The following DDX31 variants were observed in gnomAD, a reference collection of about 807,000 sequenced individuals.
DDX31 encodes the protein ATP-dependent DNA helicase DDX31.
A neutral mutation model predicts 91.3 loss-of-function variants in DDX31; 70 were observed. That is an observed-to-expected ratio of 0.77 (90% CI 0.63 to 0.94). DDX31 has a LOEUF of 0.94. Among genes scored for constraint, DDX31 ranks in the 40% least tolerant of loss-of-function variants. DDX31 has a pLI of 0.00. For missense variants in DDX31, 902 were observed against 925.0 expected, an observed-to-expected ratio of 0.98 and a Z score of 0.32; for synonymous variants, 362 against 350.6, an observed-to-expected ratio of 1.03 and a Z score of -0.36.
chr9:132,625,590 C>A, intron 17 of DDX31, 74 bp downstream of exon 17: 2 of 1,141,170 alleles, frequency 1.8e-6, no homozygotes. Context: ...GTAACCCATA[C>A]ACAAAGTCTC....
intron 19 of DDX31, among the ~76,000 whole-genome samples, chr9:132,605,618 ATGCAAAGC>A (rs1830969391): frequency 1.3e-5 from 2 of 152,202 alleles, no homozygotes; most frequent in Admixed American, 1.3e-4. Context: ...CCACAAGCAG[ATGCAAAGC>A]TGCCACCACA....
intron 6 of DDX31, among the ~76,000 whole-genome samples, chr9:132,656,945 G>T (rs1834608282): frequency 6.6e-6 from 1 of 152,066 alleles, no homozygotes; most frequent in African/African-American, 2.4e-5. Flanking sequence ...CACTTAATAG[G>T]GGGAAAAAAA....
chr9:132,607,545 C>A (rs1430471748), intron 19 of DDX31, among the ~76,000 whole-genome samples: 1 of 152,186 alleles, frequency 6.6e-6, no homozygotes, highest in East Asian at 1.9e-4. Flanking sequence ...GTCTTAGGTA[C>A]TATAAACTGA....
chr9:132,648,454 A>G lies in DDX31; in HGVS notation c.838T>C (p.Leu280=), dbSNP rs756574336. 9.9e-6 allele frequency: 16 copies of G among 1,613,756 alleles called. No individual in the cohort carries two copies. Among genetic ancestry groups the G allele is most frequent in the Non-Finnish European group, 1.3e-5 (15 of 1,179,944 alleles). Residue 280 remains leucine (L), a synonymous_variant, in exon 10 of 20, where the codon TTG becomes CTG. Coordinates refer to ENST00000372159, the MANE Select transcript of DDX31 (RefSeq NM_022779.9). ...CACCTGTCTGCTTCATCAAACACCAACCACCGCAGCCGACTAAAATGAATG... is the reference window on the plus strand; with the variant it reads ...CACCTGTCTGCTTCATCAAACACCAGCCACCGCAGCCGACTAAAATGAATG... ...KNIHFSRLRW[L]VFDEADRILD... is the part of the protein sequence containing the mutation.
chr9:132,625,851 G>C (rs1832361456), intron 16 of DDX31, 106 bp from the exon 17 acceptor site: 1 of 736,136 alleles, frequency 1.4e-6, no homozygotes, highest in Admixed American at 2.8e-5. Flanking sequence ...ACATGAAGTA[G>C]AAGTGACACC....
At chr9:132,634,369 C>A (rs553232328) in intron 14 of DDX31, among the ~76,000 whole-genome samples, 1 of 152,206 alleles carries the variant, frequency 6.6e-6, no homozygotes, top group Admixed American at 6.5e-5. Flanking sequence ...TGCCCACGCA[C>A]ACACACACAT....
chr9:132,646,704 C>T (rs962644893), intron 12 of DDX31, 119 bp downstream of exon 12: 1 of 906,948 alleles, frequency 1.1e-6, no homozygotes, highest in Non-Finnish European at 1.7e-6. Flanking sequence ...ATCCGGAATG[C>T]AGACATAAGT....
intron 19 of DDX31, among the ~76,000 whole-genome samples, chr9:132,604,539 A>G (rs556610615): frequency 6.6e-6 from 1 of 152,326 alleles, no homozygotes; most frequent in Admixed American, 6.5e-5. Context: ...CATGTGAAGA[A>G]GAGCATCTCA....
intron 13 of DDX31, among the ~76,000 whole-genome samples, chr9:132,644,085 T>C (rs1052565542): frequency 2.0e-5 from 3 of 152,060 alleles, no homozygotes; most frequent in Admixed American, 1.3e-4. Context: ...TCAGGAAAAT[T>C]TAAGTGGGAC....
chr9:132,608,199 C>CA (rs1379273797), intron 19 of DDX31, among the ~76,000 whole-genome samples: 1 of 152,188 alleles, frequency 6.6e-6, no homozygotes, highest in Non-Finnish European at 1.5e-5. Flanking sequence ...CCGACAGCAC[C>CA]AACTATCTGT....
rs1315760308 is a variant in DDX31, at chr9:132,595,827, G to A, written c.1995-715C>T. Among the ~76,000 whole-genome samples, 1 of 152,128 alleles carries A rather than the reference G, an allele frequency of 6.6e-6. No homozygotes were observed. Among genetic ancestry groups the A allele is most frequent in the East Asian group, 1.9e-4 (1 of 5,198 alleles). On this transcript the variant is annotated intron_variant, in intron 19 of 19. Coordinates refer to ENST00000372159, the MANE Select transcript of DDX31 (RefSeq NM_022779.9). This position sits in a 1 kb window ranked among gnomAD's most constrained non-coding sequence, Gnocchi z 4.6. The stretch of plus-strand genomic sequence containing the variant: ...CCTAAGTCACTCAGAAAATGCCAAA[G>A]GTTGAAAATCAATTTCCGATGTCGA...
At chr9:132,638,004 G>C in intron 14 of DDX31, 1 of 1,121,432 alleles carries the variant, frequency 8.9e-7, no homozygotes, top group Non-Finnish European at 1.1e-6. Flanking sequence ...AGACAGAACA[G>C]TATGCTTCAA....
At position 132,662,428 on chromosome 9, in the gene DDX31, C is replaced by A. The variant is rs777101770; in HGVS notation, c.332+11G>T. The A allele has an allele frequency of 2.5e-6, 4 of 1,613,964 alleles. No homozygotes were observed. In the Admixed American group the frequency reaches 6.7e-5, roughly 27 times the overall value. ...TTTTTCTTCCTGAAGGGCATCCGCC[C>A]CTGGACATACCTGTGGAGTTCTGGA... On this transcript the variant is annotated intron_variant, in intron 2 of 19. Transcript: ENST00000372159.
chr9:132,623,828 G>C (rs1198328246), intron 17 of DDX31, among the ~76,000 whole-genome samples: 2 of 152,012 alleles, frequency 1.3e-5, no homozygotes, highest in Non-Finnish European at 2.9e-5. Context: ...TGATCCCACA[G>C]AGCTGCCCTG....
chr9:132,648,188 C>A lies in DDX31; in HGVS notation c.967+1G>T, dbSNP rs760544188. On this transcript the variant is annotated splice_donor_variant, in intron 11 of 19. Transcript: ENST00000372159. LOFTEE classifies it high-confidence loss of function. ...GGACCCATCACTTCTTTTCAACTCACCTTCTGTGAGTGTCGCTGATAGCAA... is the reference window on the plus strand; with the variant it reads ...GGACCCATCACTTCTTTTCAACTCAACTTCTGTGAGTGTCGCTGATAGCAA... 6.2e-7 allele frequency: 1 copy of A among 1,611,120 alleles called. No homozygotes were observed. The highest frequency in any genetic ancestry group is 1.1e-5 in the South Asian group (1 of 90,478).
At chr9:132,610,967 C>T (rs1205934982) in intron 19 of DDX31, among the ~76,000 whole-genome samples, 2 of 152,154 alleles carry the variant, frequency 1.3e-5, no homozygotes, top group South Asian at 4.1e-4. Flanking sequence ...CCGTGACAGG[C>T]TAGAGAAACG....
chr9:132,669,627 C>T, intron 1 of DDX31: 2 of 1,529,092 alleles, frequency 1.3e-6, no homozygotes, highest in Non-Finnish European at 1.7e-6. Flanking sequence ...CAGGAGCCAG[C>T]TCCCCGCCCC....
intron 6 of DDX31, among the ~76,000 whole-genome samples, 200 bp from the exon 7 acceptor site, chr9:132,652,692 A>G (rs942859821): frequency 2.6e-5 from 4 of 151,668 alleles, no homozygotes; most frequent in Admixed American, 1.3e-4. Context: ...CAGAATTCCC[A>G]CATGTTGTAG....
rs1231003400 is a variant in DDX31, at chr9:132,630,198, T to G, written c.1631+66A>C. The G allele has an allele frequency of 1.2e-5, 18 of 1,491,524 alleles. No homozygotes were observed. The South Asian group carries it at 2.4e-4, about 20-fold the overall frequency. 92.4% of individuals were successfully genotyped at this position (1,491,524 alleles called of 1,614,324 possible). ...TCGTCAGCTTACAAGGCCCATTCAC[T>G]GTAAAAAGCGACAGAAAGTTAATTA... On this transcript the variant is annotated intron_variant, in intron 16 of 19. Transcript: ENST00000372159.
Sources: allele counts gnomAD v4.1 joint callset (sites outside exome capture counted in the v4.1 genomes callset), GRCh38; gene constraint gnomAD v4.1.1; non-coding constraint Gnocchi (gnomAD v3.1); transcripts MANE v1.5; gene names NCBI Gene and HGNC (gene_info 2026-07-23, HGNC 2026-07-21).